SFTPD: variants seen among roughly 807,000 people sequenced by gnomAD.
The protein encoded by SFTPD is pulmonary surfactant-associated protein D.
In SFTPD, 18 loss-of-function variants were observed where a neutral mutation model predicts 34.6. The ratio of observed to expected loss-of-function variants is 0.52; its 90% CI spans 0.36 to 0.77. The LOEUF (loss-of-function observed/expected upper bound fraction) is 0.77, where lower values mean the gene tolerates loss of function less well. Ranked by LOEUF, SFTPD falls within the 30% of genes least tolerant of loss-of-function variation. The probability of loss-of-function intolerance (pLI) is 0.00; values close to 1 mark genes in which losing one functional copy is unlikely to be tolerated. For synonymous variants in SFTPD, 155 were observed against 180.9 expected, an observed-to-expected ratio of 0.86 and a Z score of 1.15; for missense variants, 433 against 468.9, an observed-to-expected ratio of 0.92 and a Z score of 0.71.
chr10:79,973,306 G>C (rs375841784), intron 1 of SFTPD: 1 of 152,040 alleles, frequency 6.6e-6, no homozygotes, highest in African/African-American at 2.4e-5. Flanking sequence ...CTGTAGGGGA[G>C]TTTCCACTGG....
chr10:79,964,050 A>G (rs551198270), intron 1 of SFTPD, among the ~76,000 whole-genome samples: 46 of 152,202 alleles, frequency 3.0e-4, no homozygotes, highest in African/African-American at 1.0e-3. Flanking sequence ...AGGCTATGCT[A>G]TAGTATCTTC....
rs746572634 is a variant in SFTPD at position 79,946,617 on chromosome 10, G to C, written c.43C>G (p.Pro15Ala). Residue 15 changes from proline (P) to alanine (A), a missense_variant, in exon 2 of 8, where the codon CCC becomes GCC. Pro to Ala is a conservative substitution (Grantham distance 27, BLOSUM62 -1). Coordinates refer to ENST00000372292, the MANE Select transcript of SFTPD (RefSeq NM_003019.5). ...LLSALVLLTQPLGYLEAEMKT... is the reference protein window; with the variant it reads ...LLSALVLLTQALGYLEAEMKT... The stretch of plus-strand genomic sequence containing the variant: ...ATTTCTGCTTCCAGGTAGCCCAGGG[G>C]CTGTGTGAGCAGGACCAGTGCAGAG... 6.2e-7 allele frequency: 1 copy of C among 1,614,218 alleles called. No individual in the cohort carries two copies. Among genetic ancestry groups the C allele is most frequent in the Non-Finnish European group, 8.5e-7 (1 of 1,180,028 alleles).
intron 1 of SFTPD, among the ~76,000 whole-genome samples, chr10:79,947,796 C>T (rs1189770502): frequency 1.3e-5 from 2 of 152,222 alleles, no homozygotes; most frequent in Non-Finnish European, 2.9e-5. Flanking sequence ...ACAGGGCACC[C>T]ATTTACTATC....
intron 1 of SFTPD, among the ~76,000 whole-genome samples, chr10:79,957,476 C>A (rs1396658285): frequency 5.3e-5 from 8 of 152,138 alleles, no homozygotes; most frequent in Non-Finnish European, 8.8e-5. Flanking sequence ...GAGCTGAAAG[C>A]CAAGGCTCAA....
At chr10:79,950,762 C>T (rs971868489), upstream of SFTPD, 1 of 152,192 alleles carries the variant, frequency 6.6e-6, no homozygotes, top group Non-Finnish European at 1.5e-5. Context: ...GAATTATTCC[C>T]TCAAATAGGT....
At chr10:79,951,455 C>T (rs1384062670), upstream of SFTPD, among the ~76,000 whole-genome samples, 1 of 152,050 alleles carries the variant, frequency 6.6e-6, no homozygotes, top group African/African-American at 2.4e-5. Flanking sequence ...GTTCCTTGGT[C>T]ATAGATAGCT....
Position 79,964,734 on chromosome 10 carries a change from G to A in SFTPD, c.36+17841C>T, listed in dbSNP as rs190720742. 7.0e-3 allele frequency among the ~76,000 whole-genome samples: 1,061 copies of A among 151,958 alleles called. 9 individuals carry two copies. Among genetic ancestry groups the A allele is most frequent in the Non-Finnish European group, 0.012 (824 of 67,960 alleles). On this transcript the variant is annotated intron_variant, in intron 1 of 5. Transcript: ENST00000444384. ...ACTCCTCAGGAACTTGTCAGGCCCC[G>A]CTCCCTTCCCTACACATTAAGCTTG...
chr10:79,964,440 A>G lies in SFTPD; in HGVS notation c.37-17778T>C, dbSNP rs151174124. Among the ~76,000 whole-genome samples the G allele has an allele frequency of 6.4e-4, 98 of 152,288 alleles. 2 individuals are homozygous for G. The East Asian group carries it at 0.017, about 27-fold the overall frequency. On this transcript the variant is annotated intron_variant, in intron 1 of 5. Coordinates refer to the SFTPD transcript ENST00000444384. The stretch of plus-strand genomic sequence containing the variant: ...CATTCCAACTTCTATCCCTCATGGC[A>G]GTTTTTCTCCTTCTCATCAGACACT...
chr10:79,946,565 G>A lies in SFTPD; in HGVS notation c.95C>T (p.Pro32Leu). 6.2e-7 allele frequency: 1 copy of A among 1,614,192 alleles called. No individual in the cohort carries two copies. Among genetic ancestry groups the A allele is most frequent in the Non-Finnish European group, 8.5e-7 (1 of 1,180,002 alleles). Residue 32 changes from proline (P) to leucine (L), a missense_variant, in exon 2 of 8, where the codon CCC (proline) becomes CTC (leucine). Physicochemically the swap from Pro to Leu is moderately conservative, Grantham distance 98 (BLOSUM62 -3). Transcript: ENST00000372292. ...EMKTYSHRTM[P>L]SACTLVMCSS... ...ACACATGACCAGGGTGCAAGCACTGGGCATTGTTCTGTGGGAGTAGGTCTT... is the reference window on the plus strand; with the variant it reads ...ACACATGACCAGGGTGCAAGCACTGAGCATTGTTCTGTGGGAGTAGGTCTT...
intron 7 of SFTPD, 67 bp downstream of exon 7, chr10:79,940,638 C>T (rs1842601283): frequency 1.0e-5 from 11 of 1,091,794 alleles, no homozygotes; most frequent in Non-Finnish European, 1.5e-5. Context: ...AAAGGCCAAA[C>T]CAAGGTCAAG....
At chr10:79,952,336 C>T (rs1885552), upstream of SFTPD, among the ~76,000 whole-genome samples, 6 of 152,240 alleles carry the variant, frequency 3.9e-5, no homozygotes, top group South Asian at 1.0e-3. Context: ...GGACAGCCAA[C>T]GGTCTATCTG....
intron 2 of SFTPD, among the ~76,000 whole-genome samples, chr10:79,944,259 C>T (rs1842643648): frequency 6.6e-6 from 1 of 152,240 alleles, no homozygotes; most frequent in Non-Finnish European, 1.5e-5. Context: ...AACAGCCCTT[C>T]TCTGGGGAGC....
At chr10:79,968,335 C>G (rs970033621) in intron 1 of SFTPD, 5 of 152,172 alleles carry the variant, frequency 3.3e-5, no homozygotes, top group African/African-American at 1.2e-4. Context: ...CACTTTCCCC[C>G]TCCCCAGTGT....
intron 1 of SFTPD, among the ~76,000 whole-genome samples, chr10:79,979,423 G>A (rs989190315): frequency 1.3e-5 from 2 of 152,356 alleles, no homozygotes; most frequent in South Asian, 4.1e-4. Flanking sequence ...AAGAGGGAAG[G>A]AAAGAGTCTT....
At chr10:79,946,694 G>A (rs1330517763) in intron 1 of SFTPD, 32 bp from the exon 2 acceptor site, 2 of 1,587,202 alleles carry the variant, frequency 1.3e-6, no homozygotes, top group Non-Finnish European at 8.6e-7. Flanking sequence ...GAAAAGACAT[G>A]CTTATGCTTC....
upstream of SFTPD, among the ~76,000 whole-genome samples, chr10:79,949,784 G>C (rs1439096459): frequency 1.3e-5 from 2 of 151,888 alleles, no homozygotes; most frequent in Non-Finnish European, 2.9e-5. Context: ...TGTTTGTCTT[G>C]TGCACTGTTC....
At chr10:79,980,682 C>A (rs1178179754) in intron 1 of SFTPD, among the ~76,000 whole-genome samples, 1 of 152,226 alleles carries the variant, frequency 6.6e-6, no homozygotes, top group East Asian at 1.9e-4. Flanking sequence ...GTCTGGTAAT[C>A]CAGGGACTTC....
intron 1 of SFTPD, among the ~76,000 whole-genome samples, chr10:79,965,085 G>A (rs1244849957): frequency 6.6e-6 from 1 of 151,998 alleles, no homozygotes; most frequent in Non-Finnish European, 1.5e-5. Context: ...ATGGACTAAT[G>A]GTCTTTTAAA....
chr10:79,982,194 G>A, intron 1 of SFTPD: 2 of 479,214 alleles, frequency 4.2e-6, no homozygotes, highest in Non-Finnish European at 3.3e-6. Flanking sequence ...AGCCGCACGC[G>A]CACGTACTGG....
Sources: gnomAD v4.1 joint callset for allele counts (sites outside exome capture counted in the v4.1 genomes callset) on GRCh38, gnomAD v4.1.1 for gene constraint, MANE v1.5 for transcripts, NCBI Gene and HGNC (gene_info 2026-07-23, HGNC 2026-07-21) for gene names.